The following DENND1A variants were observed in gnomAD, a reference collection of about 807,000 sequenced individuals.
DENND1A encodes the protein DENN domain containing 1A.
In DENND1A, 51 loss-of-function variants were observed where a neutral mutation model predicts 113.7. The observed-to-expected ratio is 0.45, with a 90% confidence interval of 0.36 to 0.57. The LOEUF (loss-of-function observed/expected upper bound fraction) is 0.57, where lower values mean the gene tolerates loss of function less well. DENND1A is among the 20% of genes least tolerant of loss of function. The pLI is 0.00. For synonymous variants in DENND1A, 565 were observed against 570.8 expected, an observed-to-expected ratio of 0.99 and a Z score of 0.14; for missense variants, 1,258 against 1,395.9, an observed-to-expected ratio of 0.90 and a Z score of 1.57.
chr9:123,724,163 G>T (rs1299416099), intron 5 of DENND1A, among the ~76,000 whole-genome samples: 1 of 152,066 alleles, frequency 6.6e-6, no homozygotes, highest in Non-Finnish European at 1.5e-5. Flanking sequence ...AGTCAACTGG[G>T]TTGCTCTAAT....
At chr9:123,691,523 G>T (rs1226512131) in intron 5 of DENND1A, among the ~76,000 whole-genome samples, 1 of 151,842 alleles carries the variant, frequency 6.6e-6, no homozygotes, top group Non-Finnish European at 1.5e-5. Flanking sequence ...GGGTAGAGCG[G>T]GGTGTCTCTT....
chr9:123,576,423 C>T (rs967403791), intron 12 of DENND1A, among the ~76,000 whole-genome samples: 17 of 152,188 alleles, frequency 1.1e-4, no homozygotes, highest in East Asian at 1.9e-4. Flanking sequence ...CATTTTTCCC[C>T]GCTGAAGAAC....
intron 3 of DENND1A, among the ~76,000 whole-genome samples, chr9:123,779,871 A>AATTTTTTTTTTTTTTTT (rs1554752627): frequency 1.9e-5 from 2 of 104,034 alleles, no homozygotes; most frequent in Non-Finnish European, 1.8e-5. Context: ...CTTGCATGAG[A>AATTTTTTTTTTTTTTTT]CTTTTTTTTG....
At chr9:123,432,527 G>T (rs1405204115) in intron 19 of DENND1A, among the ~76,000 whole-genome samples, 1 of 152,226 alleles carries the variant, frequency 6.6e-6, no homozygotes, top group Non-Finnish European at 1.5e-5. Flanking sequence ...AGAGCAGGAG[G>T]AGCTGGAGGG....
At chr9:123,757,600 A>C in intron 5 of DENND1A, 103 bp downstream of exon 5, 1 of 1,511,770 alleles carries the variant, frequency 6.6e-7, no homozygotes, top group African/African-American at 1.4e-5. Flanking sequence ...GGAAACAGAT[A>C]GGAAAATGAA....
intron 10 of DENND1A, among the ~76,000 whole-genome samples, chr9:123,627,123 G>C (rs1209563013): frequency 6.6e-6 from 1 of 152,174 alleles, no homozygotes; most frequent in African/African-American, 2.4e-5. Context: ...CAGAGAAGGA[G>C]GGCAAGCCAA....
chr9:123,403,377 C>A, intron 21 of DENND1A, 25 bp downstream of exon 21: 1 of 1,612,492 alleles, frequency 6.2e-7, no homozygotes, highest in Non-Finnish European at 8.5e-7. Context: ...TTCTTACAGA[C>A]AGAGGGGAGA....
chr9:123,447,911 C>T (rs2047426564), intron 18 of DENND1A, among the ~76,000 whole-genome samples: 1 of 152,062 alleles, frequency 6.6e-6, no homozygotes, highest in Non-Finnish European at 1.5e-5. Context: ...CCCGTAGATG[C>T]GAACAATGCT....
intron 8 of DENND1A, among the ~76,000 whole-genome samples, chr9:123,653,134 T>C (rs2062747113): frequency 6.6e-6 from 1 of 152,208 alleles, no homozygotes; most frequent in African/African-American, 2.4e-5. Flanking sequence ...GGATTTTACA[T>C]GCAAAATAGC....
At chr9:123,454,552 A>T (rs567226198) in intron 16 of DENND1A, among the ~76,000 whole-genome samples, 187 bp downstream of exon 16, 2 of 152,292 alleles carry the variant, frequency 1.3e-5, no homozygotes, top group East Asian at 3.9e-4. Context: ...CCACCAAGTG[A>T]TGGCTTTGGA....
At chr9:123,885,804 T>C (rs535179249) in intron 1 of DENND1A, among the ~76,000 whole-genome samples, 2 of 152,216 alleles carry the variant, frequency 1.3e-5, no homozygotes, top group East Asian at 1.9e-4. Context: ...CTTTTCGAGA[T>C]AGTCTCACTC....
chr9:123,865,623 T>C (rs1845705265), intron 2 of DENND1A, among the ~76,000 whole-genome samples: 1 of 152,272 alleles, frequency 6.6e-6, no homozygotes, highest in Non-Finnish European at 1.5e-5. Context: ...TTCTTCATGA[T>C]AGTTCAAACT....
chr9:123,528,224 ATTAGAGGAACTAAG>A (rs1351620817), intron 13 of DENND1A, among the ~76,000 whole-genome samples: 3 of 152,230 alleles, frequency 2.0e-5, no homozygotes, highest in Non-Finnish European at 4.4e-5. Flanking sequence ...AAGACATTAA[ATTAGAGGAACTAAG>A]TTTTGAAACC....
In DENND1A at chr9:123,557,707, G is replaced by A; in HGVS notation, c.868-12C>T. On this transcript the variant is annotated splice_polypyrimidine_tract_variant and intron_variant, in intron 12 of 23. Coordinates refer to ENST00000394215, the MANE Select transcript of DENND1A (RefSeq NM_001352964.2). ...TTCAGGGAAGAGATCTGGTGATGGAGAGAAGGAAAACACAGGTTGAGGACA... is the reference window on the plus strand; with the variant it reads ...TTCAGGGAAGAGATCTGGTGATGGAAAGAAGGAAAACACAGGTTGAGGACA... 1 of 1,613,420 alleles carries A rather than the reference G, an allele frequency of 6.2e-7. No individual in the cohort carries two copies. The highest frequency in any genetic ancestry group is 8.5e-7 in the Non-Finnish European group (1 of 1,179,606).
chr9:123,772,565 T>C (rs1003572213), intron 3 of DENND1A, among the ~76,000 whole-genome samples: 1 of 152,208 alleles, frequency 6.6e-6, no homozygotes, highest in African/African-American at 2.4e-5. Context: ...AAATCGGATC[T>C]TGGGGATGCT....
chr9:123,611,306 A>C (rs1356455852), intron 10 of DENND1A, among the ~76,000 whole-genome samples: 1 of 152,190 alleles, frequency 6.6e-6, no homozygotes, highest in Non-Finnish European at 1.5e-5. Flanking sequence ...GCTGCCAGCT[A>C]CACAAATGCT....
At chr9:123,722,430 C>T (rs754922125) in intron 5 of DENND1A, among the ~76,000 whole-genome samples, 3 of 152,190 alleles carry the variant, frequency 2.0e-5, no homozygotes, top group Non-Finnish European at 2.9e-5. Context: ...AAACGAGGAG[C>T]TGAACGTTAA....
At chr9:123,684,538 C>T (rs545491645) in intron 5 of DENND1A, among the ~76,000 whole-genome samples, 3 of 152,308 alleles carry the variant, frequency 2.0e-5, no homozygotes, top group African/African-American at 7.2e-5. Context: ...ACAGAAATCA[C>T]TCATGTGTGC....
intron 6 of DENND1A, among the ~76,000 whole-genome samples, chr9:123,671,724 G>A (rs559757132): frequency 4.0e-4 from 61 of 152,112 alleles, no homozygotes; most frequent in Non-Finnish European, 7.8e-4. Context: ...GGGGTGGTTA[G>A]GAGAAATAAC....
Sources: allele counts gnomAD v4.1 joint callset (sites outside exome capture counted in the v4.1 genomes callset), GRCh38; gene constraint gnomAD v4.1.1; transcripts MANE v1.5; gene names NCBI Gene and HGNC (gene_info 2026-07-23, HGNC 2026-07-21).